IL1RAPL2: variants seen among roughly 807,000 people sequenced by gnomAD.
The protein encoded by IL1RAPL2 is interleukin 1 receptor accessory protein like 2.
A neutral mutation model predicts 44.1 loss-of-function variants in IL1RAPL2; 3 were observed. The observed-to-expected ratio is 0.07, with a 90% CI of 0.03 to 0.18. IL1RAPL2 has a LOEUF of 0.18. IL1RAPL2 is among the 10% of genes least tolerant of loss of function. The probability of loss-of-function intolerance (pLI) is 1.00; values close to 1 mark genes in which losing one functional copy is unlikely to be tolerated. For missense variants in IL1RAPL2, 391 were observed against 496.4 expected, an observed-to-expected ratio of 0.79 and a Z score of 2.02; for synonymous variants, 181 against 178.8, an observed-to-expected ratio of 1.01 and a Z score of -0.10.
intron 6 of IL1RAPL2, among the ~76,000 whole-genome samples, chrX:105,703,796 T>C (rs2038140644): frequency 8.9e-6 from 1 of 112,330 alleles, no homozygotes; most frequent in Non-Finnish European, 1.9e-5. Context: ...TTGATTTCTC[T>C]GTGTAAAGAT....
chrX:105,092,503 G>A (rs1258018776), intron 2 of IL1RAPL2, among the ~76,000 whole-genome samples: 1 of 111,131 alleles, frequency 9.0e-6, no homozygotes, highest in African/African-American at 3.3e-5. Flanking sequence ...ACCAACCAGG[G>A]AAACTTACAT....
intron 2 of IL1RAPL2, among the ~76,000 whole-genome samples, chrX:105,042,881 T>C (rs1402388497): frequency 9.3e-6 from 1 of 107,617 alleles, no homozygotes; most frequent in Non-Finnish European, 1.9e-5. Context: ...ATATACACCA[T>C]GGAATACTAT....
intron 4 of IL1RAPL2, among the ~76,000 whole-genome samples, chrX:105,244,241 C>A (rs1158182553): frequency 9.0e-6 from 1 of 111,532 alleles, no homozygotes; most frequent in Non-Finnish European, 1.9e-5. Flanking sequence ...CAAATATTGT[C>A]TTTTTTCTCA....
Position 105,307,578 on chromosome X carries a change from A to AAT in IL1RAPL2, c.697+40044_697+40045dup, listed in dbSNP as rs1439555837. Reference sequence around the variant, plus strand: ...ATTTTCTATTATATATATTATATATAATATATATTTTCTATTATATATATT... The same window carrying AAT: ...ATTTTCTATTATATATATTATATATAATATATATATTTTCTATTATATATATT... On this transcript the variant is annotated intron_variant, in intron 5 of 10. Transcript: ENST00000372582. Among the ~76,000 whole-genome samples the AAT allele has an allele frequency of 2.8e-3, 54 of 19,215 alleles. 5 individuals are homozygous for AAT. Among genetic ancestry groups the AAT allele is most frequent in the South Asian group, 0.013 (5 of 381 alleles). The allele number at this position is 19,215 out of a possible 115,157, so 16.7% of individuals were successfully genotyped here.
At chrX:105,714,924 C>T (rs1308597735) in intron 6 of IL1RAPL2, among the ~76,000 whole-genome samples, 1 of 112,015 alleles carries the variant, frequency 8.9e-6, no homozygotes, top group Non-Finnish European at 1.9e-5. Context: ...ATGGTGACTT[C>T]AGCTCTCCTG....
intron 3 of IL1RAPL2, among the ~76,000 whole-genome samples, chrX:105,224,967 A>G (rs2034000428): frequency 8.9e-6 from 1 of 111,932 alleles, no homozygotes; most frequent in African/African-American, 3.2e-5. Flanking sequence ...GAAAGCAGGA[A>G]TCACTCATAC....
chrX:105,024,373 G>A (rs763098597), intron 2 of IL1RAPL2, among the ~76,000 whole-genome samples: 1 of 111,318 alleles, frequency 9.0e-6, no homozygotes, highest in Non-Finnish European at 1.9e-5. Flanking sequence ...TCTTCCAGGT[G>A]ATCTTTATAT....
intron 2 of IL1RAPL2, among the ~76,000 whole-genome samples, chrX:104,675,908 A>C (rs1444038701): frequency 9.4e-6 from 1 of 105,945 alleles, no homozygotes; most frequent in Admixed American, 1.0e-4. Context: ...TTTATCAGAG[A>C]CTAGGATTGC....
intron 5 of IL1RAPL2, among the ~76,000 whole-genome samples, chrX:105,428,388 C>T (rs1337823521): frequency 9.0e-6 from 1 of 111,440 alleles, no homozygotes; most frequent in Admixed American, 9.6e-5. Context: ...CTTTATACTT[C>T]GTCCAAATGA....
At chrX:105,339,647 T>C (rs752143014) in intron 5 of IL1RAPL2, among the ~76,000 whole-genome samples, 2 of 111,671 alleles carry the variant, frequency 1.8e-5, no homozygotes, top group Non-Finnish European at 3.8e-5. Flanking sequence ...AGAGCAGATA[T>C]ATCATCTCAG....
chrX:105,425,880 G>A (rs1170724788), intron 5 of IL1RAPL2, among the ~76,000 whole-genome samples: 1 of 110,246 alleles, frequency 9.1e-6, no homozygotes, highest in Non-Finnish European at 1.9e-5. Context: ...CAACAAACCA[G>A]CCTGACTAAG....
At chrX:104,631,807 T>C (rs1305266286) in intron 1 of IL1RAPL2, among the ~76,000 whole-genome samples, 1 of 110,792 alleles carries the variant, frequency 9.0e-6, no homozygotes, top group African/African-American at 3.3e-5. Context: ...TTCACTCTGA[T>C]GGTAGTTTCT....
At position 104,942,941 on chromosome X, in the gene IL1RAPL2, A is replaced by G. The variant is rs369917649; in HGVS notation, c.83-252534A>G. On this transcript the variant is annotated intron_variant, in intron 2 of 10. Transcript: ENST00000372582. ...TTTATCGAAGGCCTTTTCTGCATCT[A>G]TTGAGATAATCATGTGGTTTTTGTC... is the stretch of plus-strand genomic sequence containing the variant. Among the ~76,000 whole-genome samples, 23 of 111,696 alleles carry G rather than the reference A, an allele frequency of 2.1e-4. No individual in the cohort carries two copies. In the East Asian group the frequency reaches 4.5e-3, roughly 22 times the overall value.
At chrX:104,602,002 C>T (rs1264638814) in intron 1 of IL1RAPL2, among the ~76,000 whole-genome samples, 1 of 112,174 alleles carries the variant, frequency 8.9e-6, no homozygotes, top group African/African-American at 3.2e-5. Context: ...TACCCACCAA[C>T]AGTAGATTGG....
At chrX:104,951,168 C>T (rs1053188264) in intron 2 of IL1RAPL2, among the ~76,000 whole-genome samples, 17 of 112,025 alleles carry the variant, frequency 1.5e-4, no homozygotes, top group African/African-American at 4.9e-4. Context: ...AGCTGTAGAC[C>T]GGAGCTGTTC....
chrX:104,678,908 C>A (rs186377264), intron 2 of IL1RAPL2, among the ~76,000 whole-genome samples: 63 of 110,897 alleles, frequency 5.7e-4, no homozygotes, highest in African/African-American at 1.9e-3. Flanking sequence ...ACCACCATGG[C>A]ACGTGTATAC....
At chrX:105,062,045 G>C (rs1040207615) in intron 2 of IL1RAPL2, among the ~76,000 whole-genome samples, 1 of 111,426 alleles carries the variant, frequency 9.0e-6, no homozygotes, top group Non-Finnish European at 1.9e-5. Context: ...TGATAGGTAA[G>C]GACTTACTCC....
chrX:105,530,001 A>G (rs904861150), intron 6 of IL1RAPL2, among the ~76,000 whole-genome samples: 1 of 112,394 alleles, frequency 8.9e-6, no homozygotes, highest in Non-Finnish European at 1.9e-5. Context: ...TAGTGCTGCT[A>G]TGAACATGGA....
chrX:105,280,720 A>G (rs1285742222), intron 5 of IL1RAPL2, among the ~76,000 whole-genome samples: 3 of 111,914 alleles, frequency 2.7e-5, no homozygotes, highest in Non-Finnish European at 3.8e-5. Flanking sequence ...CAAAACCACA[A>G]TGAGATACCA....
Sources: allele counts gnomAD v4.1 joint callset (sites outside exome capture counted in the v4.1 genomes callset), GRCh38; gene constraint gnomAD v4.1.1; transcripts MANE v1.5; gene names NCBI Gene and HGNC (gene_info 2026-07-23, HGNC 2026-07-21).